ABTB2: variants seen among roughly 807,000 people sequenced by gnomAD.
The protein encoded by ABTB2 is ankyrin repeat and BTB domain containing 2.
A neutral mutation model predicts 104.1 loss-of-function variants in ABTB2; 56 were observed. The observed-to-expected ratio is 0.54, with a 90% CI of 0.43 to 0.67. The LOEUF is 0.67. Among genes scored for constraint, ABTB2 ranks in the 30% least tolerant of loss-of-function variants. The pLI, the probability that ABTB2 is intolerant of heterozygous loss-of-function variation, is 0.00. For missense variants in ABTB2, 1,279 were observed against 1,407.7 expected (o/e 0.91, Z 1.46); for synonymous variants, 606 against 608.2 (o/e 1.00, Z 0.05).
At chr11:34,180,362 G>C (rs1001817895) in intron 3 of ABTB2, among the ~76,000 whole-genome samples, 1 of 152,218 alleles carries the variant, frequency 6.6e-6, no homozygotes, top group Non-Finnish European at 1.5e-5. Flanking sequence ...CAGAGGCCTT[G>C]GGTCATGAAC....
chr11:34,327,575 G>A (rs776200778), intron 1 of ABTB2, among the ~76,000 whole-genome samples: 7 of 152,182 alleles, frequency 4.6e-5, no homozygotes, highest in Non-Finnish European at 1.0e-4. Context: ...ACAGGAGTCA[G>A]GGACCTTGTT....
chr11:34,294,360 G>C (rs1448089149), intron 1 of ABTB2, among the ~76,000 whole-genome samples: 1 of 152,020 alleles, frequency 6.6e-6, no homozygotes, highest in East Asian at 1.9e-4. Flanking sequence ...AGAAAGAAGT[G>C]ACAATGGGCC....
intron 1 of ABTB2, among the ~76,000 whole-genome samples, chr11:34,225,440 C>T (rs1280865395): frequency 1.3e-5 from 2 of 152,196 alleles, no homozygotes; most frequent in African/African-American, 4.8e-5. Context: ...TGGGCTCTAG[C>T]TTTCCTCTTC....
chr11:34,159,372 A>G lies in ABTB2; in HGVS notation c.2621T>C (p.Met874Thr). 6.2e-7 allele frequency: 1 copy of G among 1,613,770 alleles called. No individual in the cohort carries two copies. Among genetic ancestry groups the G allele is most frequent in the Non-Finnish European group, 8.5e-7 (1 of 1,179,684 alleles). ...VTASNRFKTL[M>T]TNKSEQDGDS... ...CCCATCCTGTTCTGATTTATTGGTC[A>G]TTAGTGTCTTGAACCTGGAGCAAAG... The change falls in exon 14 of 17, where the codon ATG (methionine) becomes ACG (threonine). Residue 874 changes from methionine to threonine, a missense_variant. Transcript: ENST00000435224.
intron 1 of ABTB2, among the ~76,000 whole-genome samples, chr11:34,325,477 A>G (rs571304163): frequency 4.6e-5 from 7 of 152,362 alleles, no homozygotes; most frequent in Admixed American, 2.0e-4. Flanking sequence ...TAAGGTGCAG[A>G]TAATCATAGC....
chr11:34,166,519 A>G (rs1448965552), intron 7 of ABTB2, among the ~76,000 whole-genome samples: 2 of 152,236 alleles, frequency 1.3e-5, no homozygotes, highest in African/African-American at 4.8e-5. Context: ...AGTCCTTGTG[A>G]TAGGCTAGGG....
At chr11:34,237,070 T>C (rs569042487) in intron 1 of ABTB2, among the ~76,000 whole-genome samples, 2 of 152,276 alleles carry the variant, frequency 1.3e-5, no homozygotes, top group Admixed American at 1.3e-4. Flanking sequence ...AATATGTACC[T>C]CTGGATCATC....
chr11:34,162,704 G>C lies in ABTB2; in HGVS notation c.2090C>G (p.Ser697Trp). 1 of 1,612,716 alleles carries C rather than the reference G, an allele frequency of 6.2e-7. No individual in the cohort carries two copies. Among genetic ancestry groups the C allele is most frequent in the Non-Finnish European group, 8.5e-7 (1 of 1,180,030 alleles). Reference sequence around the variant, plus strand: ...CCCCTCGCTGCCACTGCCCTGGCTCGACGCATCACTTTCCTCCACACCCTC... The same window carrying C: ...CCCCTCGCTGCCACTGCCCTGGCTCCACGCATCACTTTCCTCCACACCCTC... ...LAEGVEESDA[S>W]SQGSGSEGPV... Residue 697 changes from serine (S) to tryptophan (W), a missense_variant, in exon 10 of 17, where the codon TCG (serine) becomes TGG (tryptophan). Transcript: ENST00000435224.
At chr11:34,167,816 A>G in intron 6 of ABTB2, 87 bp downstream of exon 6, 2 of 1,410,458 alleles carry the variant, frequency 1.4e-6, no homozygotes, top group Non-Finnish European at 9.9e-7. Flanking sequence ...AGTTGCCCAA[A>G]ACATCACGCC....
intron 3 of ABTB2, among the ~76,000 whole-genome samples, chr11:34,182,276 T>C (rs1296939617): frequency 1.3e-5 from 2 of 152,246 alleles, no homozygotes; most frequent in Non-Finnish European, 2.9e-5. Flanking sequence ...GAAACATTTC[T>C]AGTCCAGCTC....
At chr11:34,160,391 T>C (rs1386061427) in intron 11 of ABTB2, 38 bp from the exon 12 acceptor site, 1 of 1,457,298 alleles carries the variant, frequency 6.9e-7, no homozygotes, top group Non-Finnish European at 9.6e-7. Flanking sequence ...AGCTGCCCGC[T>C]GTGGCTGGCT....
intron 2 of ABTB2, among the ~76,000 whole-genome samples, chr11:34,203,758 C>A (rs1183824564): frequency 6.6e-6 from 1 of 152,152 alleles, no homozygotes. Context: ...GTTCAGGGGT[C>A]AGAAGACTTG....
At position 34,167,878 on chromosome 11, in the gene ABTB2, G is replaced by C. The variant is rs752664375; in HGVS notation, c.1653+25C>G. 4 of 1,612,228 alleles carry C rather than the reference G, an allele frequency of 2.5e-6. No individual in the cohort carries two copies. The South Asian group carries it at 3.3e-5, about 13-fold the overall frequency. ...TGATCCCTGCTGGCCTAGGGCCTGG[G>C]TGCAGCTCTGTGGGGCTTCCTCACC... On this transcript the variant is annotated intron_variant, in intron 6 of 16. Coordinates refer to ENST00000435224, the MANE Select transcript of ABTB2 (RefSeq NM_145804.3).
At position 34,154,927 on chromosome 11, in the gene ABTB2, A is replaced by T. The variant is rs1447301170; in HGVS notation, c.2698-158T>A. Reference sequence around the variant, plus strand: ...CCCTCCCTCTCCTGCTCAGGCTGAGACTTGTGTTTTCCCGGGGAAGCCAAC... The same window carrying T: ...CCCTCCCTCTCCTGCTCAGGCTGAGTCTTGTGTTTTCCCGGGGAAGCCAAC... On this transcript the variant is annotated intron_variant, in intron 14 of 16. Transcript: ENST00000435224. This position sits in a 1 kb window ranked among gnomAD's most constrained non-coding sequence, Gnocchi z 4.9. 6.6e-6 allele frequency among the ~76,000 whole-genome samples: 1 copy of T among 151,946 alleles called. No individual in the cohort carries two copies. The highest frequency in any genetic ancestry group is 1.5e-5 in the Non-Finnish European group (1 of 67,962).
chr11:34,243,803 G>A (rs1853950596), intron 1 of ABTB2, among the ~76,000 whole-genome samples: 1 of 152,154 alleles, frequency 6.6e-6, no homozygotes, highest in African/African-American at 2.4e-5. Context: ...AATGTCTAGA[G>A]CACGGTTCTT....
intron 8 of ABTB2, 25 bp downstream of exon 8, chr11:34,165,233 CAG>C: frequency 1.3e-6 from 2 of 1,533,300 alleles, no homozygotes; most frequent in Non-Finnish European, 1.8e-6. Flanking sequence ...GAAGGGTAGA[CAG>C]AGCCTCCGGG....
intron 10 of ABTB2, among the ~76,000 whole-genome samples, chr11:34,161,861 G>A (rs977402017): frequency 1.3e-5 from 2 of 152,196 alleles, no homozygotes; most frequent in East Asian, 3.9e-4. Context: ...GTTATTGACT[G>A]CAGGTGGGAG....
At chr11:34,200,098 A>C (rs1453666306) in intron 2 of ABTB2, among the ~76,000 whole-genome samples, 1 of 152,196 alleles carries the variant, frequency 6.6e-6, no homozygotes, top group Non-Finnish European at 1.5e-5. Flanking sequence ...TGTACAGCTA[A>C]GTTGGCTGCT....
Position 34,154,114 on chromosome 11 carries a change from T to A in ABTB2, c.2880+151A>T, listed in dbSNP as rs1852586124. The A allele has an allele frequency of 6.4e-6, 4 of 623,724 alleles. No homozygotes were observed. The highest frequency in any genetic ancestry group is 5.4e-5 in the African/African-American group (3 of 55,212). 38.6% of individuals were successfully genotyped at this position (623,724 alleles called of 1,614,324 possible). On this transcript the variant is annotated intron_variant, in intron 16 of 16. Coordinates refer to ENST00000435224, the MANE Select transcript of ABTB2 (RefSeq NM_145804.3). This position sits in a 1 kb window ranked among gnomAD's most constrained non-coding sequence, Gnocchi z 4.9. ...CAGTGACCCCAGGCAACACAGGGAG[T>A]TGCTAACCCTCCCTCAGCCTCTACA... is the stretch of plus-strand genomic sequence containing the variant.
Sources: gnomAD v4.1 joint callset for allele counts (sites outside exome capture counted in the v4.1 genomes callset) on GRCh38, gnomAD v4.1.1 for gene constraint, Gnocchi (gnomAD v3.1) non-coding constraint, MANE v1.5 for transcripts, NCBI Gene and HGNC (gene_info 2026-07-23, HGNC 2026-07-21) for gene names.